The following LEKR1 variants were observed in gnomAD, a reference collection of about 807,000 sequenced individuals.
The protein encoded by LEKR1 is leucine, glutamate and lysine rich 1.
LEKR1 carries 59 observed loss-of-function variants against 72.4 expected under a neutral mutation model. The ratio of observed to expected loss-of-function variants is 0.82; its 90% confidence interval spans 0.66 to 1.01. The LOEUF (loss-of-function observed/expected upper bound fraction) is 1.01, where lower values mean the gene tolerates loss of function less well. Ranked by LOEUF, LEKR1 falls within the 50% of genes least tolerant of loss-of-function variation. The pLI is 0.00. For missense variants in LEKR1, 728 were observed against 759.2 expected, an observed-to-expected ratio of 0.96 and a Z score of 0.48; for synonymous variants, 257 against 263.2, an observed-to-expected ratio of 0.98 and a Z score of 0.23.
intron 6 of LEKR1, among the ~76,000 whole-genome samples, chr3:156,968,383 C>T (rs1290211705): frequency 1.3e-5 from 2 of 152,178 alleles, no homozygotes; most frequent in Non-Finnish European, 2.9e-5. Context: ...GGAAACCCAT[C>T]TCACATGCAG....
chr3:156,885,564 A>G (rs1719961370), intron 3 of LEKR1, among the ~76,000 whole-genome samples: 2 of 152,300 alleles, frequency 1.3e-5, no homozygotes, highest in South Asian at 2.1e-4. Flanking sequence ...TTCTATGCCT[A>G]GCCACCCAGC....
chr3:157,012,964 A>T (rs1320061817), intron 10 of LEKR1, among the ~76,000 whole-genome samples: 1 of 152,110 alleles, frequency 6.6e-6, no homozygotes, highest in Non-Finnish European at 1.5e-5. Flanking sequence ...TATTCATATT[A>T]GAGCAATGAA....
At chr3:157,021,973 C>A (rs924208576) in intron 10 of LEKR1, among the ~76,000 whole-genome samples, 2 of 152,042 alleles carry the variant, frequency 1.3e-5, no homozygotes, top group African/African-American at 4.8e-5. Context: ...TTTCTCCTTT[C>A]ATATATTCTT....
chr3:157,029,182 T>G (rs1734420306), intron 12 of LEKR1, among the ~76,000 whole-genome samples: 1 of 152,198 alleles, frequency 6.6e-6, no homozygotes, highest in Admixed American at 6.5e-5. Flanking sequence ...CAATATCGAT[T>G]ATTAACAATT....
At chr3:156,996,013 T>C (rs1304663662) in intron 9 of LEKR1, among the ~76,000 whole-genome samples, 1 of 152,056 alleles carries the variant, frequency 6.6e-6, no homozygotes, top group African/African-American at 2.4e-5. Flanking sequence ...AATAAATATT[T>C]GTTGCATGAG....
intron 3 of LEKR1, chr3:156,888,353 A>G (rs928129903): frequency 1.4e-6 from 1 of 702,272 alleles, no homozygotes; most frequent in Non-Finnish European, 2.6e-6. Flanking sequence ...CAGCTGAAAG[A>G]ACGAATGCCA....
chr3:156,849,752 T>C lies in LEKR1; in HGVS notation c.49-3016T>C, dbSNP rs567383529. Among the ~76,000 whole-genome samples, 562 of 152,262 alleles carry C rather than the reference T, an allele frequency of 3.7e-3. 1 individual carries two copies. The highest frequency in any genetic ancestry group is 6.7e-3 in the Admixed American group (102 of 15,296). On this transcript the variant is annotated intron_variant, in intron 2 of 12. Coordinates refer to ENST00000356539, the MANE Select transcript of LEKR1 (RefSeq NM_001004316.3). ...CCCTTCCTTGCACCTTATACAAAAA[T>C]TAATTCAAGATGGATTAAAGACTTA...
At chr3:156,864,824 G>T (rs903724993) in intron 3 of LEKR1, among the ~76,000 whole-genome samples, 5 of 151,670 alleles carry the variant, frequency 3.3e-5, no homozygotes, top group African/African-American at 1.2e-4. Flanking sequence ...GATACCTATT[G>T]CTTTTTATTG....
At chr3:156,974,203 A>G (rs906269689) in intron 6 of LEKR1, among the ~76,000 whole-genome samples, 1 of 152,184 alleles carries the variant, frequency 6.6e-6, no homozygotes, top group Non-Finnish European at 1.5e-5. Context: ...GAGCAGAGTG[A>G]ATCATATCTA....
intron 2 of LEKR1, among the ~76,000 whole-genome samples, chr3:156,846,085 A>G (rs1243590482): frequency 1.3e-5 from 2 of 152,132 alleles, no homozygotes; most frequent in Non-Finnish European, 2.9e-5. Context: ...GTAAATATAT[A>G]TATATGTATG....
In LEKR1 at chr3:157,028,223, AT is replaced by A; in HGVS notation, c.1491del (p.Ile497MetfsTer15). ...AGAATCTAATTCAAAGGAAAAAGAA[AT>A]TGAAAATCTTAAAAATTTGGTTGCA... ...TEESNSKEKE[I>X]ENLKNLVAEF... On this transcript the variant is annotated frameshift_variant, in exon 12 of 13. Coordinates refer to ENST00000356539, the MANE Select transcript of LEKR1 (RefSeq NM_001004316.3). LOFTEE classifies it high-confidence loss of function. 1 of 1,613,394 alleles carries A rather than the reference AT, an allele frequency of 6.2e-7. No homozygotes were observed. Among genetic ancestry groups the A allele is most frequent in the African/African-American group, 1.3e-5 (1 of 75,020 alleles).
At chr3:156,927,873 CCTCTT>C (rs1465451417) in intron 5 of LEKR1, among the ~76,000 whole-genome samples, 1 of 151,846 alleles carries the variant, frequency 6.6e-6, no homozygotes, top group African/African-American at 2.4e-5. Flanking sequence ...TTTTAAAACT[CCTCTT>C]CTCTTAATGA....
chr3:157,000,347 G>A (rs946253613), intron 9 of LEKR1, among the ~76,000 whole-genome samples: 3 of 152,106 alleles, frequency 2.0e-5, no homozygotes, highest in African/African-American at 7.2e-5. Context: ...GCAATGACTA[G>A]TGATTAGCTA....
intron 6 of LEKR1, among the ~76,000 whole-genome samples, chr3:156,976,042 C>G (rs1042111587): frequency 1.3e-5 from 2 of 152,138 alleles, no homozygotes; most frequent in African/African-American, 2.4e-5. Context: ...GGCTTAATCT[C>G]TCTGCAGCTT....
intron 9 of LEKR1, among the ~76,000 whole-genome samples, chr3:157,001,704 G>A (rs556174374): frequency 2.2e-4 from 33 of 152,188 alleles, no homozygotes; most frequent in Non-Finnish European, 4.4e-4. Context: ...GCAAAGCAAA[G>A]ACAGCATGAC....
At chr3:156,862,514 G>C (rs1716885053) in intron 3 of LEKR1, among the ~76,000 whole-genome samples, 1 of 152,024 alleles carries the variant, frequency 6.6e-6, no homozygotes, top group South Asian at 2.1e-4. Flanking sequence ...CGGAGAAAGA[G>C]CTGCTTCACA....
intron 9 of LEKR1, among the ~76,000 whole-genome samples, chr3:157,003,464 G>A (rs1029304497): frequency 6.6e-6 from 1 of 152,070 alleles, no homozygotes; most frequent in Non-Finnish European, 1.5e-5. Flanking sequence ...ATCTTAAGGG[G>A]GTAAAATCAA....
chr3:156,835,436 A>G (rs62273910), intron 2 of LEKR1, among the ~76,000 whole-genome samples: 4,746 of 152,358 alleles, frequency 0.031, 107 homozygotes, highest in Non-Finnish European at 0.046. Flanking sequence ...CAGATCCCCA[A>G]AAATCAAGGG....
chr3:156,885,429 C>T (rs1162356476), intron 3 of LEKR1, among the ~76,000 whole-genome samples: 3 of 152,300 alleles, frequency 2.0e-5, no homozygotes, highest in South Asian at 4.1e-4. Flanking sequence ...GTGGAGAAGT[C>T]TGAAACTCAA....
Sources: allele counts gnomAD v4.1 joint callset (sites outside exome capture counted in the v4.1 genomes callset), GRCh38; gene constraint gnomAD v4.1.1; transcripts MANE v1.5; gene names NCBI Gene and HGNC (gene_info 2026-07-23, HGNC 2026-07-21).